The following CTNNA3 variants were observed in gnomAD, a reference collection of about 807,000 sequenced individuals.
The protein encoded by CTNNA3 is catenin alpha 3.
In CTNNA3, 76 loss-of-function variants were observed where a neutral mutation model predicts 95.7. The ratio of observed to expected loss-of-function variants is 0.79; its 90% CI spans 0.66 to 0.96. The LOEUF is 0.96. Ranked by LOEUF, CTNNA3 falls within the 40% of genes least tolerant of loss-of-function variation. The pLI, the probability that CTNNA3 is intolerant of heterozygous loss-of-function variation, is 0.00. For synonymous variants in CTNNA3, 431 were observed against 374.4 expected, an observed-to-expected ratio of 1.15 and a Z score of -1.74; for missense variants, 1,191 against 1,089.8, an observed-to-expected ratio of 1.09 and a Z score of -1.31.
chr10:66,323,583 C>T lies in CTNNA3; in HGVS notation c.1733-42962G>A, dbSNP rs570222436. ...AGAAGAATCGCTTGAACCCAGGAGG[C>T]GGAGGTTGCAGTGAGCCAAGATCGT... is the stretch of plus-strand genomic sequence containing the variant. On this transcript the variant is annotated intron_variant, in intron 12 of 17. Coordinates refer to ENST00000433211, the MANE Select transcript of CTNNA3 (RefSeq NM_013266.4). Among the ~76,000 whole-genome samples, 291 of 150,280 alleles carry T rather than the reference C, an allele frequency of 1.9e-3. 2 individuals carry two copies. The highest frequency in any genetic ancestry group is 6.6e-3 in the African/African-American group (270 of 40,962).
chr10:66,016,285 G>A (rs977185374), intron 15 of CTNNA3, among the ~76,000 whole-genome samples: 17 of 152,182 alleles, frequency 1.1e-4, no homozygotes, highest in African/African-American at 3.9e-4. Flanking sequence ...AGTGCCTTAA[G>A]AGCCCAGGCT....
At chr10:66,081,211 C>T (rs555868135) in intron 14 of CTNNA3, among the ~76,000 whole-genome samples, 1 of 152,248 alleles carries the variant, frequency 6.6e-6, no homozygotes, top group East Asian at 1.9e-4. Flanking sequence ...TGCCACCTGA[C>T]ACTGGCAAGT....
At chr10:67,367,307 C>T (rs1238172781) in intron 5 of CTNNA3, among the ~76,000 whole-genome samples, 3 of 151,890 alleles carry the variant, frequency 2.0e-5, no homozygotes, top group Non-Finnish European at 2.9e-5. Context: ...AGAAGACATA[C>T]AAGTGGCCAC....
intron 1 of CTNNA3, among the ~76,000 whole-genome samples, chr10:67,676,532 T>C (rs1484871948): frequency 6.6e-6 from 1 of 152,162 alleles, no homozygotes; most frequent in African/African-American, 2.4e-5. Flanking sequence ...AGTATCTCTC[T>C]TGTCTCTCAA....
At chr10:67,021,286 T>C (rs968685614) in intron 7 of CTNNA3, among the ~76,000 whole-genome samples, 1 of 152,180 alleles carries the variant, frequency 6.6e-6, no homozygotes, top group African/African-American at 2.4e-5. Flanking sequence ...TTTCACACCT[T>C]TAAAATTAGC....
chr10:66,586,348 G>A (rs753258615), intron 10 of CTNNA3, among the ~76,000 whole-genome samples: 1 of 152,052 alleles, frequency 6.6e-6, no homozygotes, highest in Non-Finnish European at 1.5e-5. Context: ...AGAGGCAGCT[G>A]GCAAAGCTCT....
chr10:67,601,201 G>C (rs891092639), intron 3 of CTNNA3, among the ~76,000 whole-genome samples: 4 of 152,150 alleles, frequency 2.6e-5, no homozygotes, highest in Non-Finnish European at 5.9e-5. Flanking sequence ...ATAACCACTT[G>C]TGTGGCTTAG....
At position 65,966,763 on chromosome 10, in the gene CTNNA3, G is replaced by A; in HGVS notation, c.2266-17C>T. ...ATCTGGGCACTAAATATGAATCAAA[G>A]ATAAAAATAGATACAGCAGAATAAA... is the stretch of plus-strand genomic sequence containing the variant. On this transcript the variant is annotated splice_polypyrimidine_tract_variant and intron_variant, in intron 16 of 17. Coordinates refer to ENST00000433211, the MANE Select transcript of CTNNA3 (RefSeq NM_013266.4). 1.3e-6 allele frequency: 2 copies of A among 1,576,586 alleles called. No homozygotes were observed. The highest frequency in any genetic ancestry group is 1.7e-4 in the Middle Eastern group (1 of 5,924).
intron 12 of CTNNA3, among the ~76,000 whole-genome samples, chr10:66,373,997 T>G (rs758498860): frequency 6.6e-5 from 10 of 152,226 alleles, no homozygotes; most frequent in Non-Finnish European, 1.3e-4. Context: ...TTCCAGGGGT[T>G]GTTTTCCTCC....
At chr10:66,636,335 C>T (rs1262170386) in intron 9 of CTNNA3, among the ~76,000 whole-genome samples, 1 of 152,064 alleles carries the variant, frequency 6.6e-6, no homozygotes. Flanking sequence ...CTACAGCACA[C>T]TGAAATACTG....
At chr10:67,339,503 G>A (rs1842105052) in intron 5 of CTNNA3, among the ~76,000 whole-genome samples, 2 of 152,124 alleles carry the variant, frequency 1.3e-5, no homozygotes, top group African/African-American at 2.4e-5. Flanking sequence ...GAGTTAGAGT[G>A]ACAATCAGAA....
intron 7 of CTNNA3, among the ~76,000 whole-genome samples, chr10:66,813,780 G>A (rs1278541449): frequency 6.6e-6 from 1 of 151,932 alleles, no homozygotes; most frequent in Non-Finnish European, 1.5e-5. Context: ...GTATAAAGTC[G>A]GAAGGGGCAG....
chr10:66,334,453 G>T (rs936192182), intron 12 of CTNNA3, among the ~76,000 whole-genome samples: 8 of 151,732 alleles, frequency 5.3e-5, no homozygotes, highest in African/African-American at 1.7e-4. Context: ...CTCAGTGTTT[G>T]CTTGTCTGTA....
intron 12 of CTNNA3, among the ~76,000 whole-genome samples, chr10:66,338,408 C>T (rs2092419357): frequency 6.6e-6 from 1 of 152,000 alleles, no homozygotes. Flanking sequence ...CTAAACATCA[C>T]TAACTTTTAT....
intron 9 of CTNNA3, among the ~76,000 whole-genome samples, chr10:66,678,442 A>G (rs1846943795): frequency 6.6e-6 from 1 of 152,210 alleles, no homozygotes; most frequent in Non-Finnish European, 1.5e-5. Context: ...TCACATACAC[A>G]CACACATGCA....
chr10:67,691,404 G>A (rs955556318), intron 1 of CTNNA3, among the ~76,000 whole-genome samples: 1 of 151,534 alleles, frequency 6.6e-6, no homozygotes, highest in African/African-American at 2.4e-5. Flanking sequence ...TCTGGAAAGT[G>A]AGGAGCGTCT....
At position 67,308,417 on chromosome 10, in the gene CTNNA3, G is replaced by C. The variant is rs906102224; in HGVS notation, c.580-88547C>G. On this transcript the variant is annotated intron_variant, in intron 5 of 17. Coordinates refer to ENST00000433211, the MANE Select transcript of CTNNA3 (RefSeq NM_013266.4). ...CACATGCTCTCTTGCCTGCCACCAT[G>C]TAAGACATGACTTTGCTCCTCCTTC... 1.9e-4 allele frequency among the ~76,000 whole-genome samples: 29 copies of C among 152,306 alleles called. 1 individual carries two copies. Among genetic ancestry groups the C allele is most frequent in the African/African-American group, 6.3e-4 (26 of 41,570 alleles).
intron 12 of CTNNA3, among the ~76,000 whole-genome samples, chr10:66,283,785 C>A (rs201182291): frequency 1.3e-5 from 2 of 151,984 alleles, no homozygotes; most frequent in East Asian, 1.9e-4. Flanking sequence ...ACTTTACTTA[C>A]ACTATGGACA....
intron 5 of CTNNA3, among the ~76,000 whole-genome samples, chr10:67,392,644 T>C (rs1351446245): frequency 6.6e-6 from 1 of 152,180 alleles, no homozygotes; most frequent in Non-Finnish European, 1.5e-5. Flanking sequence ...GAGCAAAGAC[T>C]TGGAACCAAC....
Sources: allele counts gnomAD v4.1 joint callset (sites outside exome capture counted in the v4.1 genomes callset), GRCh38; gene constraint gnomAD v4.1.1; transcripts MANE v1.5; gene names NCBI Gene and HGNC (gene_info 2026-07-23, HGNC 2026-07-21).